Variants in ADAMTSL1 observed in about 807,000 individuals in gnomAD.
The protein encoded by ADAMTSL1 is ADAMTS like 1, also known as ADAMTS-like protein 1.
ADAMTSL1 carries 126 observed loss-of-function variants against 201.8 expected under a neutral mutation model. That is an observed-to-expected ratio of 0.62 (90% CI 0.54 to 0.72). ADAMTSL1 has a LOEUF of 0.72. Among genes scored for constraint, ADAMTSL1 ranks in the 30% least tolerant of loss-of-function variants. The pLI, the probability that ADAMTSL1 is intolerant of heterozygous loss-of-function variation, is 0.00. For missense variants in ADAMTSL1, 2,679 were observed against 2,277.8 expected, an observed-to-expected ratio of 1.18 and a Z score of -3.59; for synonymous variants, 1,121 against 903.4, an observed-to-expected ratio of 1.24 and a Z score of -4.32.
chr9:18,072,484 A>T (rs62548504), intron 1 of ADAMTSL1, among the ~76,000 whole-genome samples: 4,387 of 152,294 alleles, frequency 0.029, 96 homozygotes, highest in Non-Finnish European at 0.041. Flanking sequence ...CTTCAAACCA[A>T]CACAGCTTGC....
chr9:18,445,051 A>G (rs1820135841), intron 2 of ADAMTSL1, among the ~76,000 whole-genome samples: 1 of 152,156 alleles, frequency 6.6e-6, no homozygotes, highest in Non-Finnish European at 1.5e-5. Context: ...AAACCCAGTC[A>G]GTTGAACTCC....
At chr9:18,546,802 G>A (rs888134473) in intron 3 of ADAMTSL1, among the ~76,000 whole-genome samples, 1 of 152,092 alleles carries the variant, frequency 6.6e-6, no homozygotes, top group Admixed American at 6.6e-5. Context: ...CAAGCAGCCA[G>A]ATTTCCAGGC....
At chr9:18,655,801 G>T (rs1828603888) in intron 7 of ADAMTSL1, among the ~76,000 whole-genome samples, 2 of 69,980 alleles carry the variant, frequency 2.9e-5, no homozygotes, top group Non-Finnish European at 2.2e-5. Flanking sequence ...AGGCTTTTGT[G>T]AGCTTAAAAA....
chr9:18,374,316 A>C (rs891998926), intron 2 of ADAMTSL1, among the ~76,000 whole-genome samples: 5 of 151,538 alleles, frequency 3.3e-5, no homozygotes, highest in Non-Finnish European at 5.9e-5. Flanking sequence ...TTTTATTTAT[A>C]TTTATTTAAT....
At chr9:18,631,404 A>G (rs1299969080) in intron 5 of ADAMTSL1, among the ~76,000 whole-genome samples, 1 of 152,216 alleles carries the variant, frequency 6.6e-6, no homozygotes, top group Non-Finnish European at 1.5e-5. Flanking sequence ...ACCGTCACGA[A>G]GATGTAAAAC....
chr9:18,688,376 C>T (rs1279223312), intron 13 of ADAMTSL1, among the ~76,000 whole-genome samples: 2 of 151,502 alleles, frequency 1.3e-5, no homozygotes, highest in Non-Finnish European at 2.9e-5. Context: ...GATCCACCCA[C>T]CTCAGCCTCC....
intron 1 of ADAMTSL1, among the ~76,000 whole-genome samples, chr9:17,948,337 C>T (rs1563913948): frequency 1.3e-5 from 2 of 152,302 alleles, no homozygotes; most frequent in East Asian, 1.9e-4. Flanking sequence ...CAAATGTGTG[C>T]TTCTCTGCAT....
At chr9:18,395,782 C>G (rs927971445) in intron 2 of ADAMTSL1, among the ~76,000 whole-genome samples, 2 of 152,180 alleles carry the variant, frequency 1.3e-5, no homozygotes, top group Admixed American at 6.5e-5. Flanking sequence ...AAGTTGGACA[C>G]ATTTTAGTTT....
At chr9:18,469,335 A>G (rs1020243806), upstream of ADAMTSL1, among the ~76,000 whole-genome samples, 1 of 152,208 alleles carries the variant, frequency 6.6e-6, no homozygotes, top group Admixed American at 6.5e-5. Flanking sequence ...TGATTTGGGC[A>G]AGTACTTTAA....
At chr9:18,271,487 C>T (rs1832365651) in intron 2 of ADAMTSL1, among the ~76,000 whole-genome samples, 1 of 152,098 alleles carries the variant, frequency 6.6e-6, no homozygotes, top group Non-Finnish European at 1.5e-5. Context: ...CATCCATGTC[C>T]CTACAAAGGA....
intron 1 of ADAMTSL1, among the ~76,000 whole-genome samples, chr9:17,936,969 C>A (rs539997299): frequency 6.6e-6 from 1 of 152,112 alleles, no homozygotes; most frequent in Admixed American, 6.5e-5. Flanking sequence ...GGTTTTGTAC[C>A]TGCCAGCCAT....
intron 2 of ADAMTSL1, among the ~76,000 whole-genome samples, chr9:18,259,617 T>C (rs190965582): frequency 0.017 from 2,603 of 152,124 alleles, 77 homozygotes; most frequent in African/African-American, 0.06. Context: ...CTCTTTCTGC[T>C]CCCCTCTCCC....
intron 2 of ADAMTSL1, among the ~76,000 whole-genome samples, chr9:18,399,318 T>TATATATATATACAC (rs1563934781): frequency 9.9e-6 from 1 of 100,796 alleles, no homozygotes; most frequent in Non-Finnish European, 2.0e-5. Context: ...TATATATATA[T>TATATATATATACAC]ATATATATAT....
At chr9:18,776,692 C>G in intron 18 of ADAMTSL1, 89 bp from the exon 19 acceptor site, 1 of 1,376,770 alleles carries the variant, frequency 7.3e-7, no homozygotes, top group Non-Finnish European at 9.6e-7. Context: ...TGGCTCTTTC[C>G]TTTGCCCCTC....
chr9:18,680,575 A>G (rs1166338994), intron 11 of ADAMTSL1, 59 bp downstream of exon 11: 2 of 1,581,410 alleles, frequency 1.3e-6, no homozygotes, highest in Non-Finnish European at 1.7e-6. Flanking sequence ...CCCTCTCATC[A>G]TCATGGCCCC....
chr9:18,730,898 C>T (rs1235993150), intron 15 of ADAMTSL1, among the ~76,000 whole-genome samples: 1 of 152,174 alleles, frequency 6.6e-6, no homozygotes, highest in African/African-American at 2.4e-5. Context: ...CCTAAAGGAG[C>T]TACTATGTGA....
chr9:17,943,793 G>C (rs1374852134), intron 1 of ADAMTSL1, among the ~76,000 whole-genome samples: 1 of 151,958 alleles, frequency 6.6e-6, no homozygotes, highest in Non-Finnish European at 1.5e-5. Flanking sequence ...TAAAAAAAGA[G>C]GTTTAATTGG....
intron 4 of ADAMTSL1, among the ~76,000 whole-genome samples, chr9:18,589,705 T>C (rs1308432737): frequency 6.6e-6 from 1 of 152,200 alleles, no homozygotes; most frequent in Non-Finnish European, 1.5e-5. Flanking sequence ...AGCTGTGTGC[T>C]TGTCATTTAT....
At position 18,675,839 on chromosome 9, in the gene ADAMTSL1, C is replaced by G; in HGVS notation, c.1086-18C>G. On this transcript the variant is annotated intron_variant, in intron 9 of 28. Coordinates refer to ENST00000380548, the MANE Select transcript of ADAMTSL1 (RefSeq NM_001040272.6). ...GTGTACCTTCTACTCAGAGGGTTGG[C>G]ATTATTGTTCCTAACAGTGACGGAT... 6.2e-7 allele frequency: 1 copy of G among 1,611,664 alleles called. No homozygotes were observed. Among genetic ancestry groups the G allele is most frequent in the Non-Finnish European group, 8.5e-7 (1 of 1,178,162 alleles).
Sources: allele counts gnomAD v4.1 joint callset (sites outside exome capture counted in the v4.1 genomes callset), GRCh38; gene constraint gnomAD v4.1.1; transcripts MANE v1.5; gene names NCBI Gene and HGNC (gene_info 2026-07-23, HGNC 2026-07-21).